The following CELF2 variants were observed in gnomAD, a reference collection of about 807,000 sequenced individuals.
CELF2 encodes the protein CUGBP Elav-like family member 2.
Under a neutral mutation model 62.6 loss-of-function variants are expected in CELF2, and 8 were observed. The ratio of observed to expected loss-of-function variants is 0.13; its 90% CI spans 0.07 to 0.23. The LOEUF (loss-of-function observed/expected upper bound fraction) is 0.23. Among genes scored for constraint, CELF2 ranks in the 10% least tolerant of loss-of-function variants. CELF2 has a pLI of 1.00. For missense variants in CELF2, 333 were observed against 671.0 expected (o/e 0.50, Z 5.56); for synonymous variants, 258 against 250.0 (o/e 1.03, Z -0.30).
At chr10:11,257,934 C>A in intron 5 of CELF2, 62 bp downstream of exon 5, 2 of 1,591,720 alleles carry the variant, frequency 1.3e-6, no homozygotes, top group South Asian at 2.2e-5. Flanking sequence ...GTGTCACAGT[C>A]GAGACAGATG....
intron 2 of CELF2, among the ~76,000 whole-genome samples, chr10:11,197,070 G>GAAAGAAAGGAAAGAAAGGAAA (rs1329770894): frequency 1.3e-5 from 1 of 78,100 alleles, no homozygotes; most frequent in African/African-American, 5.8e-5. Context: ...AAGAAAGAAA[G>GAAAGAAAGGAAAGAAAGGAAA]GAAAGAAAGA....
At chr10:10,802,091 G>A (rs1405536584) in intron 1 of CELF2, among the ~76,000 whole-genome samples, 1 of 152,068 alleles carries the variant, frequency 6.6e-6, no homozygotes, top group Admixed American at 6.5e-5. Flanking sequence ...CACTCCAGCT[G>A]CATTCAAAGA....
the CELF2 span, among the ~76,000 whole-genome samples, chr10:10,637,978 A>G: frequency 1.3e-5 from 2 of 152,204 alleles, no homozygotes; most frequent in African/African-American, 4.8e-5. Flanking sequence ...ATATATGGAT[A>G]TATATCTCCC....
intron 2 of CELF2, chr10:10,948,294 C>T (rs1423889087): frequency 1.3e-5 from 2 of 152,280 alleles, no homozygotes; most frequent in Admixed American, 6.5e-5. Context: ...GAGGTGCCCT[C>T]TGGGAGTTTA....
At position 11,305,512 on chromosome 10, in the gene CELF2, C is replaced by T. The variant is rs115299992; in HGVS notation, c.977-8627C>T. Among the ~76,000 whole-genome samples the T allele has an allele frequency of 3.2e-3, 494 of 152,332 alleles. 4 individuals are homozygous for T. The highest frequency in any genetic ancestry group is 0.011 in the African/African-American group (466 of 41,570). On this transcript the variant is annotated intron_variant, in intron 9 of 12. Transcript: ENST00000633077. This position sits in a 1 kb window ranked among gnomAD's most constrained non-coding sequence, Gnocchi z 4.8. ...AGGATCCCACCTGCAGTAAAATATC[C>T]GTCTGAAAGATGTCCTATTACCTGT...
At chr10:10,824,400 ACC>A (rs1184433601) in intron 1 of CELF2, among the ~76,000 whole-genome samples, 1 of 151,874 alleles carries the variant, frequency 6.6e-6, no homozygotes, top group African/African-American at 2.4e-5. Flanking sequence ...TATCCACAAA[ACC>A]CCCCAAATTC....
the CELF2 span, among the ~76,000 whole-genome samples, chr10:10,728,729 T>C: frequency 1.3e-5 from 2 of 152,198 alleles, no homozygotes; most frequent in African/African-American, 4.8e-5. Context: ...TGGTATACAG[T>C]GGTAATGTAT....
the CELF2 span, among the ~76,000 whole-genome samples, chr10:10,637,675 C>A: frequency 6.6e-6 from 1 of 152,296 alleles, no homozygotes. Context: ...AGGATCCCAA[C>A]GGTCACCTGA....
In CELF2 at chr10:11,172,306, C is replaced by T. The variant is rs72773984; in HGVS notation, c.271+6624C>T. Among the ~76,000 whole-genome samples the T allele has an allele frequency of 4.5e-3, 693 of 152,324 alleles. 5 individuals are homozygous for T. Among genetic ancestry groups the T allele is most frequent in the Middle Eastern group, 0.01 (3 of 294 alleles). On this transcript the variant is annotated intron_variant, in intron 2 of 12. Coordinates refer to ENST00000633077, the MANE Select transcript of CELF2 (RefSeq NM_001326342.2). ...CGACCTATGGGACAAACATAAAATG[C>T]AGTCAGAATTTTTAGATTCATGCAA...
intron 1 of CELF2, among the ~76,000 whole-genome samples, chr10:10,885,783 C>G (rs1452392143): frequency 6.6e-6 from 1 of 152,134 alleles, no homozygotes; most frequent in African/African-American, 2.4e-5. Flanking sequence ...GGCTCCTGGT[C>G]TCTTCTTCCA....
chr10:10,831,230 G>A lies in CELF2; in HGVS notation c.53+32413G>A, dbSNP rs549504475. On this transcript the variant is annotated intron_variant, in intron 1 of 13. Coordinates refer to the CELF2 transcript ENST00000636488. ...CCACGAGTCACCCAGTGTTGACTTCGGATGGTGTCATGAGTGTTCTGAGAC... is the reference window on the plus strand; with the variant it reads ...CCACGAGTCACCCAGTGTTGACTTCAGATGGTGTCATGAGTGTTCTGAGAC... Among the ~76,000 whole-genome samples, 99 of 152,284 alleles carry A rather than the reference G, an allele frequency of 6.5e-4. No homozygotes were observed. In the South Asian group the frequency reaches 0.018, roughly 27 times the overall value.
the CELF2 span, among the ~76,000 whole-genome samples, chr10:10,544,465 A>G: frequency 6.6e-6 from 1 of 152,264 alleles, no homozygotes; most frequent in Non-Finnish European, 1.5e-5. Flanking sequence ...CTTCAGTGGA[A>G]ATAATACCTG....
At chr10:11,169,072 T>C (rs1177159806) in intron 2 of CELF2, 1 of 152,360 alleles carries the variant, frequency 6.6e-6, no homozygotes, top group East Asian at 1.9e-4. Context: ...GCCTTGGGCA[T>C]GTTACTTAAT....
At chr10:10,862,259 G>A (rs1214354507) in intron 1 of CELF2, among the ~76,000 whole-genome samples, 2 of 152,120 alleles carry the variant, frequency 1.3e-5, no homozygotes, top group Admixed American at 6.6e-5. Flanking sequence ...TGTAGGTCAG[G>A]CATTCAATAA....
chr10:10,671,996 C>T, the CELF2 span, among the ~76,000 whole-genome samples: 18 of 152,154 alleles, frequency 1.2e-4, no homozygotes, highest in Non-Finnish European at 1.3e-4. Context: ...TCCCACAGTA[C>T]TGGGATTACA....
At chr10:10,716,798 A>T in the CELF2 span, among the ~76,000 whole-genome samples, 2 of 152,204 alleles carry the variant, frequency 1.3e-5, no homozygotes, top group African/African-American at 2.4e-5. Context: ...CTGTTGGAAC[A>T]TTCCAACACT....
chr10:10,954,225 T>C (rs2048644223), intron 2 of CELF2, among the ~76,000 whole-genome samples: 1 of 122,944 alleles, frequency 8.1e-6, no homozygotes, highest in Non-Finnish European at 1.7e-5. Context: ...TTATTATTAT[T>C]ATTATTATTA....
At chr10:10,982,709 G>A (rs1301955677) in intron 2 of CELF2, among the ~76,000 whole-genome samples, 1 of 152,128 alleles carries the variant, frequency 6.6e-6, no homozygotes, top group African/African-American at 2.4e-5. Flanking sequence ...TTTGTTTTAT[G>A]ACCTAAGGCA....
the CELF2 span, among the ~76,000 whole-genome samples, chr10:10,670,615 T>A: frequency 2.6e-5 from 4 of 152,176 alleles, no homozygotes; most frequent in African/African-American, 9.7e-5. Flanking sequence ...AACCAGAGTT[T>A]GTAGTTTACA....
Sources: gnomAD v4.1 joint callset for allele counts (sites outside exome capture counted in the v4.1 genomes callset) on GRCh38, gnomAD v4.1.1 for gene constraint, Gnocchi (gnomAD v3.1) non-coding constraint, MANE v1.5 for transcripts, NCBI Gene and HGNC (gene_info 2026-07-23, HGNC 2026-07-21) for gene names.